The following NAMPT variants were observed in gnomAD, a reference collection of about 807,000 sequenced individuals.
NAMPT encodes the protein nicotinamide phosphoribosyltransferase, also known as NAmPRTase.
NAMPT carries 7 observed loss-of-function variants against 58.7 expected under a neutral mutation model. The observed-to-expected ratio is 0.12, with a 90% CI of 0.07 to 0.22. NAMPT has a LOEUF of 0.22. Ranked by LOEUF, NAMPT falls within the 10% of genes least tolerant of loss-of-function variation. The pLI is 1.00. For synonymous variants in NAMPT, 145 were observed against 198.1 expected (o/e 0.73, Z 2.25); for missense variants, 271 against 567.9 (o/e 0.48, Z 5.31).
At chr7:106,261,330 C>T (rs981155633) in intron 8 of NAMPT, among the ~76,000 whole-genome samples, 14 of 152,128 alleles carry the variant, frequency 9.2e-5, no homozygotes, top group Admixed American at 2.6e-4. Flanking sequence ...ACTGACATTT[C>T]CTTGTTTCAC....
At position 106,277,788 on chromosome 7, in the gene NAMPT, T is replaced by C. The variant is rs192306437; in HGVS notation, c.58-609A>G. Among the ~76,000 whole-genome samples the C allele has an allele frequency of 2.6e-5, 4 of 152,328 alleles. No homozygotes were observed. The East Asian group carries it at 7.7e-4, about 29-fold the overall frequency. Reference sequence around the variant, plus strand: ...TAACTGGAAAATAAATTCTTAAACATCAAATCCTTATGAGTTTAAAATACG... The same window carrying C: ...TAACTGGAAAATAAATTCTTAAACACCAAATCCTTATGAGTTTAAAATACG... On this transcript the variant is annotated intron_variant, in intron 1 of 10. Transcript: ENST00000222553.
At chr7:106,265,618 A>G (rs1436208823) in intron 6 of NAMPT, among the ~76,000 whole-genome samples, 2 of 149,402 alleles carry the variant, frequency 1.3e-5, no homozygotes, top group Non-Finnish European at 3.0e-5. Flanking sequence ...CAGTATCTGT[A>G]TCTTAGCCTC....
At chr7:106,277,213 C>T (rs1792663809) in intron 1 of NAMPT, 34 bp from the exon 2 acceptor site, 1 of 1,539,608 alleles carries the variant, frequency 6.5e-7, no homozygotes, top group African/African-American at 1.4e-5. Flanking sequence ...TTAGAAAACA[C>T]CGATGAGTAG....
chr7:106,284,726 G>GGC, intron 1 of NAMPT, 102 bp downstream of exon 1: 1 of 464,966 alleles, frequency 2.2e-6, no homozygotes. Context: ...CCTAGCCCCA[G>GGC]CCCCAGCCCC....
chr7:106,275,633 A>G (rs1792621873), intron 2 of NAMPT: 1 of 152,284 alleles, frequency 6.6e-6, no homozygotes, highest in Admixed American at 6.5e-5. Context: ...CATTTTAGTT[A>G]TAATTAAAAA....
rs541950323 is a variant in NAMPT, at chr7:106,268,050, G to C, written c.743+414C>G. ...AGGTCCTGCTTTCTCATCTACAACT[G>C]AAGGTACAGTACAGATGACAATTTC... On this transcript the variant is annotated intron_variant, in intron 6 of 10. Transcript: ENST00000222553. Among the ~76,000 whole-genome samples the C allele has an allele frequency of 2.6e-3, 396 of 151,944 alleles. 1 individual carries two copies. Among genetic ancestry groups the C allele is most frequent in the African/African-American group, 9.1e-3 (379 of 41,472 alleles).
chr7:106,270,278 G>C, intron 4 of NAMPT: 1 of 412,188 alleles, frequency 2.4e-6, no homozygotes, highest in Non-Finnish European at 5.1e-6. Flanking sequence ...ATTGTTATTT[G>C]AAGCAGCTTC....
chr7:106,275,147 C>A, intron 2 of NAMPT, 98 bp from the exon 3 acceptor site: 1 of 679,560 alleles, frequency 1.5e-6, no homozygotes, highest in South Asian at 2.1e-5. Context: ...TTCACCCATT[C>A]TATGGATTAA....
In NAMPT at chr7:106,251,160, C is replaced by T; in HGVS notation, c.1399G>A (p.Val467Met). Residue 467 changes from valine (V) to methionine (M), a missense_variant, in exon 11 of 11, where the codon GTG (valine) becomes ATG (methionine). By Grantham distance (21) the Val-to-Met change is conservative. Around this residue, in one of 4 missense-constraint regions of NAMPT, gnomAD observed 143 missense variants for 331.1 expected, o/e 0.43. Coordinates refer to ENST00000222553, the MANE Select transcript of NAMPT (RefSeq NM_005746.3). ...TCATCAAATGAATAGCTTTTTGTCA[C>T]CTTGCCATTCTTGAAGACAGTATGG... ...LLHTVFKNGK[V>M]TKSYSFDEIR... 1.2e-6 allele frequency: 2 copies of T among 1,605,468 alleles called. No homozygotes were observed. The highest frequency in any genetic ancestry group is 1.1e-5 in the South Asian group (1 of 90,880).
chr7:106,254,068 A>G (rs1036464753), intron 9 of NAMPT, among the ~76,000 whole-genome samples: 3 of 152,096 alleles, frequency 2.0e-5, no homozygotes, highest in Non-Finnish European at 4.4e-5. Flanking sequence ...TCCTACTCAA[A>G]TATTACTTTT....
In NAMPT at chr7:106,251,135, T is replaced by G. The variant is rs140819103; in HGVS notation, c.1424A>C (p.Glu475Ala). 1.3e-4 allele frequency: 206 copies of G among 1,607,014 alleles called. No individual in the cohort carries two copies. In the African/African-American group the frequency reaches 2.1e-3, roughly 16 times the overall value. Reference protein sequence around the residue: ...GKVTKSYSFDEIRKNAQLNIE... With the variant: ...GKVTKSYSFDAIRKNAQLNIE... ...ATTCAGCTGTGCATTTTTTCTTATT[T>G]CATCAAATGAATAGCTTTTTGTCAC... The change falls in exon 11 of 11, where the codon GAA becomes GCA. Residue 475 changes from glutamate to alanine, a missense_variant. Transcript: ENST00000222553.
chr7:106,266,483 A>G (rs1243611383), intron 6 of NAMPT, among the ~76,000 whole-genome samples: 3 of 152,266 alleles, frequency 2.0e-5, no homozygotes, highest in East Asian at 3.9e-4. Flanking sequence ...AGACACTCTT[A>G]TTTTCCCAGT....
chr7:106,284,257 C>A (rs1792820225), intron 1 of NAMPT: 1 of 152,124 alleles, frequency 6.6e-6, no homozygotes, highest in African/African-American at 2.4e-5. Flanking sequence ...CGGGGCCAGG[C>A]GAGTGTCCTC....
rs377754006 is a variant in NAMPT at position 106,279,246 on chromosome 7, C to T, written c.58-2067G>A. Among the ~76,000 whole-genome samples the T allele has an allele frequency of 1.2e-3, 189 of 152,254 alleles. 7 individuals carry two copies. In the South Asian group the frequency reaches 0.037, roughly 30 times the overall value. On this transcript the variant is annotated intron_variant, in intron 1 of 10. Transcript: ENST00000222553. ...AATGTCTGAACTGCTTAATTAGAAA[C>T]GAAGTATGAACTCTAAAAATCTTTG...
At chr7:106,253,957 G>A (rs1792149718) in intron 9 of NAMPT, among the ~76,000 whole-genome samples, 1 of 152,070 alleles carries the variant, frequency 6.6e-6, no homozygotes, top group Admixed American at 6.6e-5. Flanking sequence ...CATGACTGTG[G>A]TATAACAATC....
chr7:106,285,486 G>T (rs1201827917), upstream of NAMPT: 3 of 948,496 alleles, frequency 3.2e-6, no homozygotes, highest in East Asian at 2.3e-4. Context: ...ACCCGGCTAG[G>T]GGGCGAGGAG....
In NAMPT at chr7:106,253,077, C is replaced by T. The variant is rs200263946; in HGVS notation, c.1305G>A (p.Thr435=). 3.1e-6 allele frequency: 5 copies of T among 1,613,360 alleles called. No individual in the cohort carries two copies. In the East Asian group the frequency reaches 6.7e-5, roughly 22 times the overall value. ...SKKGRLSLHR[T]PAGNFVTLEE... ...CCAGTGTAACAAAATTCCCTGCTGG[C>T]GTCCTATGTAAAGATAATCGGCCCT... is the stretch of plus-strand genomic sequence containing the variant. The change falls in exon 10 of 11, where the codon ACG becomes ACA. Residue 435 remains threonine, a synonymous_variant. Transcript: ENST00000222553.
chr7:106,259,005 A>C (rs1183647860), intron 8 of NAMPT, among the ~76,000 whole-genome samples: 1 of 152,248 alleles, frequency 6.6e-6, no homozygotes, highest in Non-Finnish European at 1.5e-5. Flanking sequence ...TTGGGAGTGC[A>C]TCCTCTCAAA....
intron 6 of NAMPT, among the ~76,000 whole-genome samples, chr7:106,267,719 T>TA (rs1792441893): frequency 6.7e-6 from 1 of 148,524 alleles, no homozygotes; most frequent in Non-Finnish European, 1.5e-5. Flanking sequence ...CGGGCGCCTG[T>TA]AGTCCCAGCT....
Sources: allele counts gnomAD v4.1 joint callset (sites outside exome capture counted in the v4.1 genomes callset), GRCh38; gene constraint gnomAD v4.1.1; regional missense constraint gnomAD v4.1.1; transcripts MANE v1.5; gene names NCBI Gene and HGNC (gene_info 2026-07-23, HGNC 2026-07-21).